The following CEP85 variants were observed in gnomAD, a reference collection of about 807,000 sequenced individuals.
The protein encoded by CEP85 is centrosomal protein of 85 kDa.
In CEP85, 58 loss-of-function variants were observed where a neutral mutation model predicts 93.7. That is an observed-to-expected ratio of 0.62 (90% CI 0.50 to 0.77). The LOEUF is 0.77. CEP85 is among the 30% of genes least tolerant of loss of function. The pLI is 0.00. For missense variants in CEP85, 868 were observed against 922.0 expected (o/e 0.94, Z 0.76); for synonymous variants, 314 against 338.6 (o/e 0.93, Z 0.80).
chr1:26,248,722 CTTT>C (rs573449499), intron 3 of CEP85, among the ~76,000 whole-genome samples: 44 of 56,208 alleles, frequency 7.8e-4, no homozygotes, highest in South Asian at 5.8e-3. Flanking sequence ...GTCTTGAACT[CTTT>C]TTTTTTTTTT....
At position 26,273,805 on chromosome 1, in the gene CEP85, G is replaced by A. The variant is rs1205798070; in HGVS notation, c.1795-1159G>A. Among the ~76,000 whole-genome samples the A allele has an allele frequency of 2.0e-5, 3 of 152,052 alleles. No individual in the cohort carries two copies. The East Asian group carries it at 5.8e-4, about 29-fold the overall frequency. On this transcript the variant is annotated intron_variant, in intron 11 of 13. Transcript: ENST00000451429. ...CCAGCTACTTGGGAGGCTGAGGCAGGAGAATTGTTTGAACCTGGGAGGTGG... is the reference window on the plus strand; with the variant it reads ...CCAGCTACTTGGGAGGCTGAGGCAGAAGAATTGTTTGAACCTGGGAGGTGG...
intron 4 of CEP85, 31 bp from the exon 5 acceptor site, chr1:26,257,566 T>C (rs1341538456): frequency 6.2e-7 from 1 of 1,612,816 alleles, no homozygotes; most frequent in Non-Finnish European, 8.5e-7. Flanking sequence ...TGGGTCAAGA[T>C]CAAGCTCATC....
chr1:26,250,925 CTTTTTTCTTT>C (rs1204281978), intron 3 of CEP85, among the ~76,000 whole-genome samples: 8,539 of 54,670 alleles, frequency 0.16, 949 homozygotes, highest in Middle Eastern at 0.25. Flanking sequence ...TTTTTTTTTT[CTTTTTTCTTT>C]TTTTTTTTTT....
chr1:26,241,189 A>G (rs1569960054), intron 2 of CEP85, among the ~76,000 whole-genome samples: 2 of 151,158 alleles, frequency 1.3e-5, no homozygotes, highest in East Asian at 3.9e-4. Flanking sequence ...TGCCTTGCAT[A>G]GAGTAGGCAC....
At chr1:26,244,544 G>A (rs1375622979) in intron 3 of CEP85, among the ~76,000 whole-genome samples, 1 of 151,906 alleles carries the variant, frequency 6.6e-6, no homozygotes. Context: ...TGGGGGGTGG[G>A]GAGACAGGGT....
chr1:26,266,229 TC>T (rs1482805049), intron 7 of CEP85, among the ~76,000 whole-genome samples: 2 of 151,254 alleles, frequency 1.3e-5, no homozygotes, highest in East Asian at 2.0e-4. Flanking sequence ...AATTGTTTTT[TC>T]TTTAAATATT....
chr1:26,252,259 G>T (rs1012970494), intron 3 of CEP85, among the ~76,000 whole-genome samples: 1 of 145,582 alleles, frequency 6.9e-6, no homozygotes, highest in Non-Finnish European at 1.5e-5. Context: ...TGGGCCGGGG[G>T]CAGTGGCTCA....
In CEP85 at chr1:26,250,925, C is replaced by CTT. The variant is rs71581048; in HGVS notation, c.209-4241_209-4240dup. 8.6e-3 allele frequency among the ~76,000 whole-genome samples: 475 copies of CTT among 55,102 alleles called. 60 individuals are homozygous for CTT. The highest frequency in any genetic ancestry group is 0.056 in the East Asian group (95 of 1,706). 36.1% of individuals were successfully genotyped at this position (55,102 alleles called of 152,430 possible). The stretch of plus-strand genomic sequence containing the variant: ...TGAGCCAAGCTTGCCTTTTTTTTTT[C>CTT]TTTTTTCTTTTTTTTTTTTTTTTTT... On this transcript the variant is annotated intron_variant, in intron 3 of 13. Coordinates refer to ENST00000451429, the MANE Select transcript of CEP85 (RefSeq NM_001319944.2).
At chr1:26,268,772 A>G in intron 8 of CEP85, 137 bp downstream of exon 8, 1 of 925,738 alleles carries the variant, frequency 1.1e-6, no homozygotes, top group Non-Finnish European at 1.5e-6. Flanking sequence ...CAGATTCATA[A>G]TTGTCAGATT....
chr1:26,242,856 G>T (rs2089449508), intron 2 of CEP85, among the ~76,000 whole-genome samples: 1 of 152,094 alleles, frequency 6.6e-6, no homozygotes, highest in Admixed American at 6.6e-5. Context: ...AATTATAGTG[G>T]TTTTTAGAAA....
At position 26,258,178 on chromosome 1, in the gene CEP85, T is replaced by C. The variant is rs568297082; in HGVS notation, c.1073T>C (p.Val358Ala). ...RKHISQLEQK[V>A]RESELQVHSA... ...CACATCTCTCAGCTGGAGCAGAAAG[T>C]GCGAGAGAGCGAACTGCAAGTCCAC... Residue 358 changes from valine to alanine, a missense_variant, in exon 6 of 14, where the codon GTG becomes GCG. Coordinates refer to ENST00000451429, the MANE Select transcript of CEP85 (RefSeq NM_001319944.2). 1.2e-6 allele frequency: 2 copies of C among 1,614,130 alleles called. No individual in the cohort carries two copies. The highest frequency in any genetic ancestry group is 3.3e-5 in the Admixed American group (2 of 60,018).
chr1:26,274,250 A>AT lies in CEP85; in HGVS notation c.1795-713dup, dbSNP rs377597342. Among the ~76,000 whole-genome samples, 26 of 152,180 alleles carry AT rather than the reference A, an allele frequency of 1.7e-4. No individual in the cohort carries two copies. The East Asian group carries it at 4.8e-3, about 28-fold the overall frequency. ...TGAGTATGCTCTTCTACCCCTTTCC[A>AT]TGTCTCTGAACAGCATTTAGTAGAC... On this transcript the variant is annotated intron_variant, in intron 11 of 13. Coordinates refer to ENST00000451429, the MANE Select transcript of CEP85 (RefSeq NM_001319944.2).
intron 7 of CEP85, among the ~76,000 whole-genome samples, chr1:26,264,811 T>G (rs1422771746): frequency 6.6e-6 from 1 of 152,044 alleles, no homozygotes; most frequent in Non-Finnish European, 1.5e-5. Flanking sequence ...ATACATAGTT[T>G]TTTTTGTTTG....
chr1:26,244,419 T>A, intron 3 of CEP85, 101 bp downstream of exon 3: 1 of 1,032,198 alleles, frequency 9.7e-7, no homozygotes, highest in South Asian at 1.5e-5. Flanking sequence ...TCCAGAATGT[T>A]CATAACGTCA....
rs1342085196 is a variant in CEP85, at chr1:26,266,426, CCT to C, written c.1342-2056_1342-2055del. On this transcript the variant is annotated intron_variant, in intron 7 of 13. Coordinates refer to ENST00000451429, the MANE Select transcript of CEP85 (RefSeq NM_001319944.2). ...TCTTTCCTAGACTTTTGTTTCCTCC[CCT>C]GTTGTTTCTCAGTTAATACTTTATT... Among the ~76,000 whole-genome samples, 9 of 152,262 alleles carry C rather than the reference CCT, an allele frequency of 5.9e-5. No homozygotes were observed. In the East Asian group the frequency reaches 1.5e-3, roughly 26 times the overall value.
At chr1:26,256,928 G>GGTGTGTGTGTGTGTGTGTGTGTGTGT (rs71004573) in intron 4 of CEP85, among the ~76,000 whole-genome samples, 12 of 111,488 alleles carry the variant, frequency 1.1e-4, no homozygotes, top group South Asian at 2.9e-4. Flanking sequence ...GTTTTGTTTT[G>GGTGTGTGTGTGTGTGTGTGTGTGTGT]GTGTGTGTGT....
chr1:26,244,111 G>T, intron 2 of CEP85, 55 bp from the exon 3 acceptor site: 1 of 1,543,050 alleles, frequency 6.5e-7, no homozygotes, highest in South Asian at 1.2e-5. Flanking sequence ...AAAAAGATCT[G>T]ATGGGGTTAC....
intron 11 of CEP85, 98 bp from the exon 12 acceptor site, chr1:26,274,866 G>T: frequency 1.2e-6 from 1 of 864,966 alleles, no homozygotes; most frequent in Non-Finnish European, 1.8e-6. Flanking sequence ...TGTAGGTAGG[G>T]TGAGTCGTCA....
intron 4 of CEP85, among the ~76,000 whole-genome samples, chr1:26,257,200 T>A (rs574601362): frequency 6.6e-6 from 1 of 152,298 alleles, no homozygotes; most frequent in Non-Finnish European, 1.5e-5. Context: ...TCCAAAGTGC[T>A]GGGATTACAG....
Sources: allele counts gnomAD v4.1 joint callset (sites outside exome capture counted in the v4.1 genomes callset), GRCh38; gene constraint gnomAD v4.1.1; transcripts MANE v1.5; gene names NCBI Gene and HGNC (gene_info 2026-07-23, HGNC 2026-07-21).